Variants in GRID2 observed in about 807,000 individuals in gnomAD.
The protein encoded by GRID2 is glutamate ionotropic receptor delta type subunit 2, also known as glutamate receptor ionotropic, delta-2.
Under a neutral mutation model 114.8 loss-of-function variants are expected in GRID2, and 33 were observed. That is an observed-to-expected ratio of 0.29 (90% confidence interval 0.22 to 0.38). The LOEUF (loss-of-function observed/expected upper bound fraction) is 0.38, where lower values mean the gene tolerates loss of function less well. Among genes scored for constraint, GRID2 ranks in the 10% least tolerant of loss-of-function variants. The pLI is 1.00. For missense variants in GRID2, 1,184 were observed against 1,257.7 expected (o/e 0.94, Z 0.89); for synonymous variants, 505 against 449.9 (o/e 1.12, Z -1.55).
Position 92,304,755 on chromosome 4 carries a change from G to T in GRID2, c.88+11G>T. ...CGATCATTCACATCGGTAAGAAAGT[G>T]TTGGTGCAGCTCGTGGTTACTTTTA... On this transcript the variant is annotated intron_variant, in intron 1 of 15. Transcript: ENST00000282020. 1 of 1,583,674 alleles carries T rather than the reference G, an allele frequency of 6.3e-7. No homozygotes were observed. The highest frequency in any genetic ancestry group is 8.7e-7 in the Non-Finnish European group (1 of 1,152,096).
intron 3 of GRID2, among the ~76,000 whole-genome samples, chr4:93,098,026 C>T (rs1731375617): frequency 1.3e-5 from 2 of 151,812 alleles, no homozygotes; most frequent in Non-Finnish European, 2.9e-5. Flanking sequence ...GTGGCTTTAT[C>T]CCTTGCTATT....
chr4:92,501,186 A>T (rs1723665638), intron 1 of GRID2, among the ~76,000 whole-genome samples: 1 of 152,094 alleles, frequency 6.6e-6, no homozygotes, highest in African/African-American at 2.4e-5. Context: ...ACTTTAATTG[A>T]CAGTAATTAC....
At chr4:93,279,490 TC>T (rs1579524765) in intron 8 of GRID2, among the ~76,000 whole-genome samples, 2 of 151,998 alleles carry the variant, frequency 1.3e-5, no homozygotes, top group East Asian at 3.9e-4. Context: ...AGGTTTTTTT[TC>T]AGCATTATTT....
chr4:92,354,337 T>G (rs2110189465), intron 1 of GRID2, among the ~76,000 whole-genome samples: 1 of 152,074 alleles, frequency 6.6e-6, no homozygotes, highest in South Asian at 2.1e-4. Context: ...ACAAATTTGG[T>G]TTTGATAGTT....
At chr4:92,813,873 G>A (rs568953409) in intron 2 of GRID2, among the ~76,000 whole-genome samples, 7 of 152,182 alleles carry the variant, frequency 4.6e-5, no homozygotes, top group African/African-American at 1.4e-4. Context: ...CGCATTGAAA[G>A]ATTCTTTGGA....
In GRID2 at chr4:92,981,779, A is replaced by G. The variant is rs572318814; in HGVS notation, c.245-103216A>G. Among the ~76,000 whole-genome samples the G allele has an allele frequency of 7.9e-5, 12 of 152,122 alleles. No homozygotes were observed. In the South Asian group the frequency reaches 2.5e-3, roughly 31 times the overall value. On this transcript the variant is annotated intron_variant, in intron 2 of 15. Transcript: ENST00000282020. ...GAATGCATTCTCTAAAAACACAGCT[A>G]ATCAATACAATATAGAGACTAATAA...
intron 13 of GRID2, among the ~76,000 whole-genome samples, chr4:93,566,162 T>G (rs1735394893): frequency 6.6e-6 from 1 of 152,102 alleles, no homozygotes; most frequent in Admixed American, 6.6e-5. Context: ...AAAAGCAAAT[T>G]GTGACACTAT....
At chr4:92,690,231 C>A (rs1012835279) in intron 2 of GRID2, among the ~76,000 whole-genome samples, 1 of 151,810 alleles carries the variant, frequency 6.6e-6, no homozygotes, top group African/African-American at 2.4e-5. Flanking sequence ...GTATATGACT[C>A]TTCAGTTGAA....
chr4:93,719,271 C>T (rs1164623692), intron 14 of GRID2, among the ~76,000 whole-genome samples: 1 of 151,860 alleles, frequency 6.6e-6, no homozygotes, highest in Non-Finnish European at 1.5e-5. Context: ...ACAAGTTTGA[C>T]AAGATAAACA....
chr4:93,606,817 A>G (rs927300116), intron 13 of GRID2, among the ~76,000 whole-genome samples: 24 of 152,188 alleles, frequency 1.6e-4, no homozygotes, highest in African/African-American at 5.8e-4. Flanking sequence ...TTATACACTC[A>G]TAAATCATAG....
chr4:93,528,056 C>G (rs1476943039), intron 13 of GRID2, among the ~76,000 whole-genome samples: 2 of 151,666 alleles, frequency 1.3e-5, no homozygotes, highest in Admixed American at 1.3e-4. Flanking sequence ...AATTTTAAGG[C>G]TAAATAATAT....
intron 8 of GRID2, among the ~76,000 whole-genome samples, chr4:93,285,405 A>T (rs1298054106): frequency 2.0e-5 from 3 of 152,096 alleles, no homozygotes. Context: ...ATAAACCTTT[A>T]TCATGAAAAA....
At chr4:93,627,897 G>T (rs1044680843) in intron 14 of GRID2, among the ~76,000 whole-genome samples, 2 of 152,154 alleles carry the variant, frequency 1.3e-5, no homozygotes, top group African/African-American at 4.8e-5. Context: ...GAATAGGCTG[G>T]ACGCAGTGGT....
chr4:93,076,610 CTTTTTT>C (rs56357327), intron 2 of GRID2, among the ~76,000 whole-genome samples: 1 of 96,982 alleles, frequency 1.0e-5, no homozygotes, highest in African/African-American at 4.3e-5. Flanking sequence ...TCACCAACCT[CTTTTTT>C]TTTTTTTTTT....
chr4:93,716,954 T>C (rs935762003), intron 14 of GRID2, among the ~76,000 whole-genome samples: 30 of 152,144 alleles, frequency 2.0e-4, no homozygotes, highest in African/African-American at 7.2e-4. Context: ...TGGAATTCTT[T>C]TTACCTATAT....
intron 2 of GRID2, among the ~76,000 whole-genome samples, chr4:92,698,895 A>G (rs937822899): frequency 2.6e-5 from 4 of 152,276 alleles, no homozygotes; most frequent in African/African-American, 9.6e-5. Flanking sequence ...CGTACAGAAT[A>G]TAGAAAAACT....
intron 1 of GRID2, among the ~76,000 whole-genome samples, chr4:92,550,964 CAATT>C (rs1449560843): frequency 5.3e-5 from 8 of 152,068 alleles, no homozygotes; most frequent in Non-Finnish European, 1.0e-4. Context: ...TCTCCATAAA[CAATT>C]AAAAACCAGT....
At chr4:92,655,993 G>T (rs1415490377) in intron 2 of GRID2, among the ~76,000 whole-genome samples, 1 of 151,664 alleles carries the variant, frequency 6.6e-6, no homozygotes, top group East Asian at 1.9e-4. Context: ...TATTATGTTA[G>T]CTGTGGGTTT....
At chr4:93,584,482 GTTGT>G (rs1737338169) in intron 13 of GRID2, among the ~76,000 whole-genome samples, 1 of 151,930 alleles carries the variant, frequency 6.6e-6, no homozygotes, top group Non-Finnish European at 1.5e-5. Flanking sequence ...GGTTGAAAAT[GTTGT>G]TTTTTGACAT....
Sources: allele counts gnomAD v4.1 joint callset (sites outside exome capture counted in the v4.1 genomes callset), GRCh38; gene constraint gnomAD v4.1.1; transcripts MANE v1.5; gene names NCBI Gene and HGNC (gene_info 2026-07-23, HGNC 2026-07-21).